Variants in ITIH2 observed in about 807,000 individuals in gnomAD.
ITIH2 encodes the protein inter-alpha-trypsin inhibitor heavy chain H2.
In ITIH2, 103 loss-of-function variants were observed where a neutral mutation model predicts 104.4. The observed-to-expected ratio is 0.99, with a 90% CI of 0.84 to 1.16. ITIH2 has a LOEUF of 1.16. ITIH2 is among the 50% of genes most tolerant of loss of function. The probability of loss-of-function intolerance (pLI) is 0.00; values close to 1 mark genes in which losing one functional copy is unlikely to be tolerated. For synonymous variants in ITIH2, 436 were observed against 435.4 expected (o/e 1.00, Z -0.02); for missense variants, 1,108 against 1,162.4 (o/e 0.95, Z 0.68).
chr10:7,719,703 G>C (rs1281492159), intron 6 of ITIH2, among the ~76,000 whole-genome samples: 1 of 123,048 alleles, frequency 8.1e-6, no homozygotes, highest in African/African-American at 3.1e-5. Flanking sequence ...CGAGGCTGCA[G>C]TTAGCTATGA....
intron 2 of ITIH2, among the ~76,000 whole-genome samples, chr10:7,705,700 TAAAAAAAAAA>T (rs34935493): frequency 3.0e-5 from 4 of 131,842 alleles, no homozygotes; most frequent in African/African-American, 1.1e-4. Flanking sequence ...CCACTCCATT[TAAAAAAAAAA>T]AAAAAAAAAA....
intron 11 of ITIH2, among the ~76,000 whole-genome samples, chr10:7,729,169 C>T (rs1834977620): frequency 6.6e-6 from 1 of 152,106 alleles, no homozygotes; most frequent in African/African-American, 2.4e-5. Flanking sequence ...CAAAATTAGC[C>T]TGACAGGGCG....
At chr10:7,748,247 C>CATATATATATATAAATATATGTATACAT (rs1835198767) in intron 20 of ITIH2, among the ~76,000 whole-genome samples, 1 of 143,046 alleles carries the variant, frequency 7.0e-6, no homozygotes, top group Non-Finnish European at 1.5e-5. Context: ...TATATGTATA[C>CATATATATATATAAATATATGTATACAT]ATATATATAT....
In ITIH2 at chr10:7,738,646, G is replaced by A. The variant is rs1835094498; in HGVS notation, c.1983G>A (p.Val661=). The change falls in exon 16 of 21, where the codon GTG becomes GTA. Residue 661 remains valine, a synonymous_variant. Transcript: ENST00000358415. ...CSGALYYGSK[V]VPDSTPSWAN... The stretch of plus-strand genomic sequence containing the variant: ...GGGCCCTGTATTACGGCAGCAAAGT[G>A]GTTCCAGATTCCACCCCGTCTTGGG... 1 of 1,613,860 alleles carries A rather than the reference G, an allele frequency of 6.2e-7. No individual in the cohort carries two copies. Among genetic ancestry groups the A allele is most frequent in the African/African-American group, 1.3e-5 (1 of 74,890 alleles).
chr10:7,739,556 T>C (rs968225029), intron 16 of ITIH2, among the ~76,000 whole-genome samples: 3 of 152,150 alleles, frequency 2.0e-5, no homozygotes, highest in Non-Finnish European at 4.4e-5. Context: ...AAATACCATG[T>C]TGTAGCAGAG....
intron 5 of ITIH2, 105 bp downstream of exon 5, chr10:7,713,390 G>A (rs1834816155): frequency 3.7e-6 from 3 of 803,374 alleles, no homozygotes; most frequent in Admixed American, 2.5e-5. Context: ...CACAGCACCT[G>A]AGCCAATGGC....
chr10:7,732,973 C>T (rs1197872285), intron 14 of ITIH2, among the ~76,000 whole-genome samples: 2 of 152,108 alleles, frequency 1.3e-5, no homozygotes, highest in Non-Finnish European at 2.9e-5. Context: ...GTGATCCACC[C>T]GAGTGGGCCT....
chr10:7,725,969 C>A (rs927852221), intron 9 of ITIH2, among the ~76,000 whole-genome samples: 2 of 152,084 alleles, frequency 1.3e-5, no homozygotes, highest in Non-Finnish European at 2.9e-5. Context: ...GAGAATGAGG[C>A]CCTGGAAGAC....
intron 1 of ITIH2, among the ~76,000 whole-genome samples, chr10:7,704,287 T>C (rs967113585): frequency 6.6e-6 from 1 of 152,208 alleles, no homozygotes; most frequent in Non-Finnish European, 1.5e-5. Context: ...TGACGGCATA[T>C]TTACAAAGGG....
At chr10:7,709,217 A>G in intron 4 of ITIH2, 26 bp downstream of exon 4, 1 of 1,601,390 alleles carries the variant, frequency 6.2e-7, no homozygotes, top group East Asian at 2.2e-5. Flanking sequence ...GTAGAGCCAG[A>G]AATTGTAGGT....
rs146616186 is a variant in ITIH2, at chr10:7,709,160, C to T, written c.331C>T (p.Pro111Ser). The change falls in exon 4 of 21, where the codon CCC becomes TCC. Residue 111 changes from proline (P) to serine (S), a missense_variant. Coordinates refer to ENST00000358415, the MANE Select transcript of ITIH2 (RefSeq NM_002216.3). ...PQNVVFDVQI[P>S]KGAFISNFSM... ...GAATGTCGTGTTTGATGTTCAGATCCCCAAAGGAGCATTCATTTCCAACTT... is the reference window on the plus strand; with the variant it reads ...GAATGTCGTGTTTGATGTTCAGATCTCCAAAGGAGCATTCATTTCCAACTT... 2.5e-5 allele frequency: 41 copies of T among 1,613,898 alleles called. No individual in the cohort carries two copies. In the African/African-American group the frequency reaches 5.3e-4, roughly 21 times the overall value.
chr10:7,719,655 GGAGGCTGAGGCAGGAGGATAACTT>G (rs916676329), intron 6 of ITIH2, among the ~76,000 whole-genome samples: 2 of 150,644 alleles, frequency 1.3e-5, no homozygotes, highest in African/African-American at 4.9e-5. Flanking sequence ...CACCCACTTG[GGAGGCTGAGGCAGGAGGATAACTT>G]GAGCCTAAAA....
chr10:7,729,227 C>T (rs534096112), intron 11 of ITIH2, among the ~76,000 whole-genome samples: 1 of 152,224 alleles, frequency 6.6e-6, no homozygotes, highest in South Asian at 2.1e-4. Context: ...ACAGGAGAAT[C>T]CCTTGAACCC....
At chr10:7,742,673 G>A (rs1835138207) in intron 16 of ITIH2, among the ~76,000 whole-genome samples, 1 of 152,190 alleles carries the variant, frequency 6.6e-6, no homozygotes, top group Non-Finnish European at 1.5e-5. Flanking sequence ...GAGCCTTGGA[G>A]GTCAAGGCTG....
intron 4 of ITIH2, among the ~76,000 whole-genome samples, chr10:7,709,443 TG>T (rs1182647774): frequency 1.3e-5 from 2 of 152,198 alleles, no homozygotes; most frequent in Non-Finnish European, 2.9e-5. Context: ...CATACTTACT[TG>T]CATTTTAATA....
chr10:7,709,087 C>T lies in ITIH2; in HGVS notation c.258C>T (p.Ala86=). 6.2e-7 allele frequency: 1 copy of T among 1,613,990 alleles called. No homozygotes were observed. ...AGTCTACTATTACTTCTCGGATGGC[C>T]ACCACCATGATCCAGAGCAAAGTGG... ...KVQSTITSRM[A]TTMIQSKVVN... Residue 86 remains alanine (A), a synonymous_variant, in exon 4 of 21, where the codon GCC becomes GCT. Transcript: ENST00000358415.
At chr10:7,722,207 T>C (rs1413339512) in intron 8 of ITIH2, among the ~76,000 whole-genome samples, 1 of 152,170 alleles carries the variant, frequency 6.6e-6, no homozygotes. Context: ...AAAAGTTTCC[T>C]TTCCCCTTCA....
chr10:7,720,939 G>T lies in ITIH2; in HGVS notation c.714G>T (p.Pro238=). 6.2e-7 allele frequency: 1 copy of T among 1,612,322 alleles called. No homozygotes were observed. The highest frequency in any genetic ancestry group is 8.5e-7 in the Non-Finnish European group (1 of 1,178,462). Residue 238 remains proline (P), a synonymous_variant, in exon 7 of 21, where the codon CCG becomes CCT. Transcript: ENST00000358415. ...TTGAAGGCCATTTCGATGGTGTTCC[G>T]GTCATTTCTAAAGGACAACAGAAGG... ...DTFEGHFDGV[P]VISKGQQKAH...
Position 7,727,765 on chromosome 10 carries a change from G to C in ITIH2, c.1216G>C (p.Gly406Arg). The C allele has an allele frequency of 1.9e-6, 3 of 1,614,036 alleles. No homozygotes were observed. The highest frequency in any genetic ancestry group is 2.5e-6 in the Non-Finnish European group (3 of 1,179,980). Residue 406 changes from glycine to arginine, a missense_variant, in exon 11 of 21, where the codon GGA becomes CGA. Physicochemically the swap from Gly to Arg is moderately radical, Grantham distance 125. Coordinates refer to ENST00000358415, the MANE Select transcript of ITIH2 (RefSeq NM_002216.3). ...IFILNEANNL[G>R]LLDPNSVSLI... ...CATTTTGAATGAAGCCAATAACTTG[G>C]GACTGTTAGACCCCAACTCCGTCTC...
Sources: allele counts gnomAD v4.1 joint callset (sites outside exome capture counted in the v4.1 genomes callset), GRCh38; gene constraint gnomAD v4.1.1; transcripts MANE v1.5; gene names NCBI Gene and HGNC (gene_info 2026-07-23, HGNC 2026-07-21).